The following TFR2 variants were observed in gnomAD, a reference collection of about 807,000 sequenced individuals.
The protein encoded by TFR2 is transferrin receptor 2.
A neutral mutation model predicts 91.9 loss-of-function variants in TFR2; 64 were observed. That is an observed-to-expected ratio of 0.70 (90% CI 0.57 to 0.86). TFR2 has a LOEUF of 0.86. Ranked by LOEUF, TFR2 falls within the 40% of genes least tolerant of loss-of-function variation. The pLI is 0.00. For synonymous variants in TFR2, 454 were observed against 459.6 expected (o/e 0.99, Z 0.15); for missense variants, 950 against 1,080.5 (o/e 0.88, Z 1.69).
Position 100,627,489 on chromosome 7 carries a change from G to A in TFR2, c.1770C>T (p.Asp590=), listed in dbSNP as rs35704760. ...TGTGCAGGAATGGGTAGGCCTGGTC[G>A]TCCTGCCAGGACAGGGTGGACGCTG... ...VPAVEFSFME[D]DQAYPFLHTK... Residue 590 remains aspartate (D), a splice_region_variant and synonymous_variant, in exon 16 of 18, where the codon GAC becomes GAT. Transcript: ENST00000223051. The A allele has an allele frequency of 3.8e-3, 6,090 of 1,611,606 alleles. 84 individuals carry two copies. The highest frequency in any genetic ancestry group is 0.014 in the South Asian group (1,299 of 90,786).
intron 7 of TFR2, 54 bp from the exon 8 acceptor site, chr7:100,631,999 C>G: frequency 1.9e-6 from 3 of 1,614,036 alleles, no homozygotes; most frequent in Admixed American, 3.3e-5. Context: ...CCAGGAAAAA[C>G]GAAAAACATG....
chr7:100,626,833 C>A lies in TFR2; in HGVS notation c.2066G>T (p.Arg689Leu). ...CTCCTCCGAGCTGTAGATCTCCTGC[C>A]GCAGCTTTTCCGCCGCCCGGATGTA... Reference protein sequence around the residue: ...GDYIRAAEKLRQEIYSSEERD... With the variant: ...GDYIRAAEKLLQEIYSSEERD... The change falls in exon 17 of 18, where the codon CGG (arginine) becomes CTG (leucine). Residue 689 changes from arginine to leucine, a missense_variant. By Grantham distance (102) the Arg-to-Leu change is moderately radical (BLOSUM62 -2). Transcript: ENST00000223051. The A allele has an allele frequency of 6.5e-7, 1 of 1,549,604 alleles. No homozygotes were observed. Among genetic ancestry groups the A allele is most frequent in the Non-Finnish European group, 8.7e-7 (1 of 1,146,998 alleles).
At chr7:100,628,046 C>T (rs1803318330) in intron 12 of TFR2, 27 bp downstream of exon 12, 1 of 1,613,824 alleles carries the variant, frequency 6.2e-7, no homozygotes. Flanking sequence ...CCCCAGGGGG[C>T]CAGGTGGTGG....
intron 3 of TFR2, among the ~76,000 whole-genome samples, chr7:100,635,058 C>A (rs1584461876): frequency 6.6e-6 from 1 of 152,186 alleles, no homozygotes; most frequent in South Asian, 2.1e-4. Flanking sequence ...CCTGCCTCAG[C>A]CTCCTGAGTA....
intron 6 of TFR2, chr7:100,632,738 CTTTT>C (rs35046097): frequency 1.9e-3 from 354 of 184,398 alleles, no homozygotes; most frequent in Middle Eastern, 4.9e-3. Context: ...AAAAAAGAAC[CTTTT>C]TTTTTTTTTT....
In TFR2 at chr7:100,629,283, C is replaced by T. The variant is rs774355364; in HGVS notation, c.1360G>A (p.Val454Met). ...AVGTAILLEL[V>M]RTFSSMVSNG... is the part of the protein sequence containing the mutation. ...CTCACCATGGAGGAAAAGGTCCGCACCAGCTCCAGGAGTATAGCCGTCCCC... is the reference window on the plus strand; with the variant it reads ...CTCACCATGGAGGAAAAGGTCCGCATCAGCTCCAGGAGTATAGCCGTCCCC... The change falls in exon 10 of 18, where the codon GTG becomes ATG. Residue 454 changes from valine (V) to methionine (M), a missense_variant. Coordinates refer to ENST00000223051, the MANE Select transcript of TFR2 (RefSeq NM_003227.4). 2.5e-6 allele frequency: 4 copies of T among 1,613,990 alleles called. No homozygotes were observed. The highest frequency in any genetic ancestry group is 3.3e-5 in the Admixed American group (2 of 60,000).
chr7:100,622,423 G>C (rs1803136109), intron 17 of TFR2, among the ~76,000 whole-genome samples: 1 of 152,172 alleles, frequency 6.6e-6, no homozygotes, highest in African/African-American at 2.4e-5. Context: ...ACACTCATGT[G>C]GCCCATGGCT....
chr7:100,636,069 C>CGTAGTA (rs1445029298), intron 3 of TFR2, among the ~76,000 whole-genome samples: 3 of 152,022 alleles, frequency 2.0e-5, no homozygotes, highest in Non-Finnish European at 4.4e-5. Flanking sequence ...GTACCTGCCA[C>CGTAGTA]GTAGTAGATG....
intron 3 of TFR2, among the ~76,000 whole-genome samples, chr7:100,635,235 C>T (rs1260134759): frequency 4.0e-5 from 6 of 151,034 alleles, no homozygotes; most frequent in Non-Finnish European, 8.9e-5. Context: ...CCATGGCGCC[C>T]GGCCCCTTTT....
intron 13 of TFR2, 27 bp downstream of exon 13, chr7:100,627,880 C>T (rs1803312792): frequency 6.2e-7 from 1 of 1,614,128 alleles, no homozygotes; most frequent in East Asian, 2.2e-5. Flanking sequence ...TACTCCCCTT[C>T]ACCCCCTATT....
At chr7:100,626,110 T>TC (rs1469801207) in intron 17 of TFR2, among the ~76,000 whole-genome samples, 1 of 152,116 alleles carries the variant, frequency 6.6e-6, no homozygotes, top group African/African-American at 2.4e-5. Flanking sequence ...ATGGCCACAG[T>TC]CCCTACTCAC....
At chr7:100,622,081 C>T (rs1273032364) in intron 17 of TFR2, among the ~76,000 whole-genome samples, 1 of 152,166 alleles carries the variant, frequency 6.6e-6, no homozygotes, top group Non-Finnish European at 1.5e-5. Flanking sequence ...GGCTGGAGTG[C>T]AGTGGTGCAA....
intron 10 of TFR2, among the ~76,000 whole-genome samples, chr7:100,628,969 G>C (rs571303186): frequency 3.3e-5 from 5 of 151,826 alleles, no homozygotes; most frequent in African/African-American, 1.2e-4. Context: ...CACCATGTTG[G>C]CTAGGCTGGT....
In TFR2 at chr7:100,620,816, G is replaced by A; in HGVS notation, c.*41C>T. The A allele has an allele frequency of 1.2e-6, 2 of 1,613,066 alleles. No individual in the cohort carries two copies. Among genetic ancestry groups the A allele is most frequent in the Non-Finnish European group, 1.7e-6 (2 of 1,179,348 alleles). On this transcript the variant is annotated 3_prime_UTR_variant, in exon 18 of 18. Transcript: ENST00000223051. ...AATCATTCAAGCGAGGAGCAGAGGA[G>A]CTCTTGACTGGGGGACGGGGATGTG...
At chr7:100,629,794 G>A (rs532222495) in intron 9 of TFR2, among the ~76,000 whole-genome samples, 2 of 152,304 alleles carry the variant, frequency 1.3e-5, no homozygotes, top group African/African-American at 4.8e-5. Context: ...TGCCCAGGCT[G>A]GAGTGCAGTG....
chr7:100,633,739 C>A, intron 3 of TFR2, 183 bp from the exon 4 acceptor site: 1 of 995,142 alleles, frequency 1.0e-6, no homozygotes, highest in Non-Finnish European at 1.4e-6. Context: ...GACGGAGTGT[C>A]GCTCTGTCGC....
chr7:100,632,925 C>A, intron 6 of TFR2, 76 bp downstream of exon 6: 1 of 1,611,854 alleles, frequency 6.2e-7, no homozygotes, highest in Non-Finnish European at 8.5e-7. Context: ...TCTCACAGCA[C>A]CCTGAACGAT....
rs1452832002 is a variant in TFR2, at chr7:100,641,511, CT to C, written c.-3del. 1 of 1,613,868 alleles carries C rather than the reference CT, an allele frequency of 6.2e-7. No individual in the cohort carries two copies. The highest frequency in any genetic ancestry group is 1.1e-5 in the South Asian group (1 of 91,014). ...GAATAGACCCCAAAGCCGCTCCATG[CT>C]TGTGTCCCCTCCTGAAGCCTGCAGG... On this transcript the variant is annotated 5_prime_UTR_variant, in exon 1 of 18. Coordinates refer to ENST00000223051, the MANE Select transcript of TFR2 (RefSeq NM_003227.4).
At chr7:100,641,361 TGGG>T in intron 1 of TFR2, 113 bp downstream of exon 1, 3 of 636,474 alleles carry the variant, frequency 4.7e-6, no homozygotes, top group Admixed American at 2.9e-5. Context: ...GGGGCAGGGG[TGGG>T]AAGAAGCGAG....
Sources: allele counts gnomAD v4.1 joint callset (sites outside exome capture counted in the v4.1 genomes callset), GRCh38; gene constraint gnomAD v4.1.1; transcripts MANE v1.5; gene names NCBI Gene and HGNC (gene_info 2026-07-23, HGNC 2026-07-21).